Variants in PHKG2 observed in about 807,000 individuals in gnomAD.
PHKG2 encodes the protein phosphorylase b kinase gamma catalytic chain, liver/testis isoform.
Under a neutral mutation model 44.5 loss-of-function variants are expected in PHKG2, and 28 were observed. The ratio of observed to expected loss-of-function variants is 0.63; its 90% CI spans 0.47 to 0.86. PHKG2 has a LOEUF of 0.86. Ranked by LOEUF, PHKG2 falls within the 40% of genes least tolerant of loss-of-function variation. The pLI is 0.00. For missense variants in PHKG2, 498 were observed against 547.5 expected (o/e 0.91, Z 0.90); for synonymous variants, 220 against 211.2 (o/e 1.04, Z -0.36).
Position 30,758,914 on chromosome 16 carries a change from G to C in PHKG2, c.*1817G>C. On this transcript the variant is annotated 3_prime_UTR_variant, in exon 10 of 10. Transcript: ENST00000563588. ...AGGGATCATTTAGAGAAAGGACTCT[G>C]ACTAAAAACAAAAAGTCTGAAGTCC... 6.5e-7 allele frequency: 1 copy of C among 1,534,430 alleles called. No individual in the cohort carries two copies. Among genetic ancestry groups the C allele is most frequent in the Non-Finnish European group, 8.7e-7 (1 of 1,145,954 alleles).
Position 30,758,775 on chromosome 16 carries a change from G to A in PHKG2, c.*1678G>A, listed in dbSNP as rs1012907170. The A allele has an allele frequency of 3.1e-5, 19 of 621,648 alleles. No homozygotes were observed. The African/African-American group carries it at 3.5e-4, about 11-fold the overall frequency. The allele number at this position is 621,648 out of a possible 1,614,324, so 38.5% of individuals were successfully genotyped here. A position where few individuals can be genotyped will look rare whatever the true frequency, so the allele number is the denominator to read the frequency against. On this transcript the variant is annotated 3_prime_UTR_variant, in exon 10 of 10. Transcript: ENST00000563588. Reference sequence around the variant, plus strand: ...TCACGGTGTTGCCCAGGCTGGTCGCGAACTCCTGAGCTCAGGCAATCCGCC... The same window carrying A: ...TCACGGTGTTGCCCAGGCTGGTCGCAAACTCCTGAGCTCAGGCAATCCGCC...
At position 30,757,723 on chromosome 16, in the gene PHKG2, G is replaced by T; in HGVS notation, c.*626G>T. ...TCTGGCAATGGGGGGATGGTCCCTA[G>T]TTGGGCAAACAGTCCCCAAATTTCC... On this transcript the variant is annotated 3_prime_UTR_variant, in exon 10 of 10. Coordinates refer to ENST00000563588, the MANE Select transcript of PHKG2 (RefSeq NM_000294.3). 6.6e-7 allele frequency: 1 copy of T among 1,522,608 alleles called. No individual in the cohort carries two copies. The allele number at this position is 1,522,608 out of a possible 1,614,324, so 94.3% of individuals were successfully genotyped here.
chr16:30,752,881 C>T, intron 4 of PHKG2: 1 of 371,110 alleles, frequency 2.7e-6, no homozygotes, highest in Non-Finnish European at 5.0e-6. Flanking sequence ...TCCTATTCAA[C>T]CTTTGTGCCA....
intron 1 of PHKG2, 22 bp from the exon 2 acceptor site, chr16:30,748,781 A>C (rs1430107062): frequency 7.6e-6 from 11 of 1,445,116 alleles, no homozygotes; most frequent in Non-Finnish European, 1.0e-5. Flanking sequence ...CCCTGCCCTC[A>C]CTGCCCTCCT....
chr16:30,761,097 T>A lies in PHKG2; in HGVS notation c.*4000T>A. 1 of 1,364,518 alleles carries A rather than the reference T, an allele frequency of 7.3e-7. No homozygotes were observed. 84.5% of individuals were successfully genotyped at this position (1,364,518 alleles called of 1,614,324 possible). ...GAGTAATTGCATCTCCAGGCCTCAGTCTCATCTGTAAAATGGGGATGCCCT... is the reference window on the plus strand; with the variant it reads ...GAGTAATTGCATCTCCAGGCCTCAGACTCATCTGTAAAATGGGGATGCCCT... On this transcript the variant is annotated 3_prime_UTR_variant, in exon 10 of 10. Transcript: ENST00000563588.
chr16:30,751,673 G>C, intron 4 of PHKG2, 70 bp downstream of exon 4: 4 of 1,275,530 alleles, frequency 3.1e-6, no homozygotes, highest in Non-Finnish European at 4.6e-6. Context: ...CATTTGTGGT[G>C]CAGTGGGCTG....
At chr16:30,749,965 A>G (rs375341506) in intron 2 of PHKG2, among the ~76,000 whole-genome samples, 26 of 107,612 alleles carry the variant, frequency 2.4e-4, no homozygotes, top group Non-Finnish European at 4.8e-4. Context: ...GTAGGAGTTC[A>G]GGGGGGGGTC....
chr16:30,755,211 C>T, intron 6 of PHKG2: 1 of 222,672 alleles, frequency 4.5e-6, no homozygotes, highest in South Asian at 5.9e-5. Context: ...CACCACACTC[C>T]AGCCTGTGTG....
Position 30,757,320 on chromosome 16 carries a change from T to G in PHKG2, c.*223T>G. The G allele has an allele frequency of 6.5e-7, 1 of 1,530,108 alleles. No individual in the cohort carries two copies. The highest frequency in any genetic ancestry group is 2.3e-5 in the East Asian group (1 of 44,324). 94.8% of individuals were successfully genotyped at this position (1,530,108 alleles called of 1,614,324 possible). ...ACGCCACGCCTGGCCCGGTCAGTGC[T>G]GCATGCACTGCATATGAAATAAAAT... On this transcript the variant is annotated 3_prime_UTR_variant, in exon 10 of 10. Coordinates refer to ENST00000563588, the MANE Select transcript of PHKG2 (RefSeq NM_000294.3).
At chr16:30,751,831 C>T (rs1567261132) in intron 4 of PHKG2, 3 of 554,848 alleles carry the variant, frequency 5.4e-6, no homozygotes, top group Admixed American at 2.6e-5. Flanking sequence ...CAGTGGCTCA[C>T]GCCTGTAATC....
In PHKG2 at chr16:30,759,373, A is replaced by C. The variant is rs2053583637; in HGVS notation, c.*2276A>C. On this transcript the variant is annotated 3_prime_UTR_variant, in exon 10 of 10. Transcript: ENST00000563588. ...TGTGAAGACGTATTTATAGAGCTTG[A>C]AGTGGCGGAAGTAAGTGTTGACCAC... The C allele has an allele frequency of 1.2e-6, 2 of 1,614,184 alleles. No homozygotes were observed. Among genetic ancestry groups the C allele is most frequent in the East Asian group, 4.5e-5 (2 of 44,882 alleles).
In PHKG2 at chr16:30,760,759, C is replaced by T. The variant is rs979864947; in HGVS notation, c.*3662C>T. ...GTGCGTGAGACTGGGAGTTGGCCACCGGCGTGAAGCTGGGCTCTTTTGCCA... is the reference window on the plus strand; with the variant it reads ...GTGCGTGAGACTGGGAGTTGGCCACTGGCGTGAAGCTGGGCTCTTTTGCCA... On this transcript the variant is annotated 3_prime_UTR_variant, in exon 10 of 10. Transcript: ENST00000563588. The T allele has an allele frequency of 1.2e-5, 14 of 1,193,544 alleles. No individual in the cohort carries two copies. Among genetic ancestry groups the T allele is most frequent in the Middle Eastern group, 1.9e-4 (1 of 5,222 alleles). 73.9% of individuals were successfully genotyped at this position (1,193,544 alleles called of 1,614,324 possible).
chr16:30,748,518 T>G, intron 1 of PHKG2, 28 bp downstream of exon 1: 1 of 479,138 alleles, frequency 2.1e-6, no homozygotes, highest in South Asian at 2.5e-5. Flanking sequence ...CCCCGTCCCC[T>G]TCCTGCGCCC....
chr16:30,759,220 TG>T lies in PHKG2; in HGVS notation c.*2124del, dbSNP rs761807384. 1 of 1,614,086 alleles carries T rather than the reference TG, an allele frequency of 6.2e-7. No individual in the cohort carries two copies. The highest frequency in any genetic ancestry group is 1.1e-5 in the South Asian group (1 of 91,078). ...CACAGTTTGGGTGGCTGTAGCCCCA[TG>T]TAAGTCAAAGACAGATCCAGCCGCA... On this transcript the variant is annotated 3_prime_UTR_variant, in exon 10 of 10. Transcript: ENST00000563588.
At chr16:30,755,333 G>T in intron 6 of PHKG2, 1 of 160,456 alleles carries the variant, frequency 6.2e-6, no homozygotes, top group Admixed American at 6.0e-5. Context: ...TCATGATGTG[G>T]AATCAGGGAA....
At chr16:30,752,941 G>T (rs2053370931) in intron 4 of PHKG2, 1 of 459,078 alleles carries the variant, frequency 2.2e-6, no homozygotes, top group Non-Finnish European at 3.9e-6. Context: ...ACTTTGAGAG[G>T]CCTTTTTCAG....
In PHKG2 at chr16:30,757,909, T is replaced by C; in HGVS notation, c.*812T>C. 1 of 947,110 alleles carries C rather than the reference T, an allele frequency of 1.1e-6. No individual in the cohort carries two copies. Among genetic ancestry groups the C allele is most frequent in the Non-Finnish European group, 1.4e-6 (1 of 701,472 alleles). 58.7% of individuals were successfully genotyped at this position (947,110 alleles called of 1,614,324 possible). A position where few individuals can be genotyped will look rare whatever the true frequency, so the allele number is the denominator to read the frequency against. ...GTGACCTTAGGCAGGTTATTTAACC[T>C]ATCTGTGCCTCAGTTTCCTTGTATG... On this transcript the variant is annotated 3_prime_UTR_variant, in exon 10 of 10. Transcript: ENST00000563588.
Position 30,759,893 on chromosome 16 carries a change from C to T in PHKG2, c.*2796C>T. 6.9e-7 allele frequency: 1 copy of T among 1,443,762 alleles called. No individual in the cohort carries two copies. The allele number at this position is 1,443,762 out of a possible 1,614,324, so 89.4% of individuals were successfully genotyped here. A position where few individuals can be genotyped will look rare whatever the true frequency, so the allele number is the denominator to read the frequency against. The stretch of plus-strand genomic sequence containing the variant: ...AAATACTGAATACCCACTATATGCC[C>T]ACTGTATGGTTTTCGGCACTGAACA... On this transcript the variant is annotated 3_prime_UTR_variant, in exon 10 of 10. Transcript: ENST00000563588.
rs190683100 is a variant in PHKG2 at position 30,760,808 on chromosome 16, C to A, written c.*3711C>A. 4.7e-4 allele frequency: 350 copies of A among 743,498 alleles called. 1 individual carries two copies. In the African/African-American group the frequency reaches 5.3e-3, roughly 11 times the overall value. The allele number at this position is 743,498 out of a possible 1,614,324, so 46.1% of individuals were successfully genotyped here. A position where few individuals can be genotyped will look rare whatever the true frequency, so the allele number is the denominator to read the frequency against. On this transcript the variant is annotated 3_prime_UTR_variant, in exon 10 of 10. Transcript: ENST00000563588. The stretch of plus-strand genomic sequence containing the variant: ...CAGCTTGCTGTGTGACTATGCAAAT[C>A]GTTAACTCTCTGGGCCTAAATGAAC...
Sources: allele counts gnomAD v4.1 joint callset (sites outside exome capture counted in the v4.1 genomes callset), GRCh38; gene constraint gnomAD v4.1.1; transcripts MANE v1.5; gene names NCBI Gene and HGNC (gene_info 2026-07-23, HGNC 2026-07-21).